Variants in ANKS1B observed in about 807,000 individuals in gnomAD.
ANKS1B encodes the protein ankyrin repeat and sterile alpha motif domain containing 1B, also known as ankyrin repeat and sterile alpha motif domain-containing protein 1B.
A neutral mutation model predicts 148.3 loss-of-function variants in ANKS1B; 36 were observed. That is an observed-to-expected ratio of 0.24 (90% confidence interval 0.19 to 0.32). The LOEUF (loss-of-function observed/expected upper bound fraction) is 0.32. ANKS1B is among the 10% of genes least tolerant of loss of function. The pLI is 1.00. For missense variants in ANKS1B, 1,157 were observed against 1,542.6 expected (o/e 0.75, Z 4.19); for synonymous variants, 542 against 560.8 (o/e 0.97, Z 0.47).
At chr12:99,457,111 C>A (rs2095859444) in intron 10 of ANKS1B, among the ~76,000 whole-genome samples, 2 of 152,012 alleles carry the variant, frequency 1.3e-5, no homozygotes, top group Non-Finnish European at 2.9e-5. Flanking sequence ...TCTTTAGCCT[C>A]CTTAAATAAA....
intron 10 of ANKS1B, among the ~76,000 whole-genome samples, chr12:99,477,355 C>T (rs188544217): frequency 2.7e-4 from 41 of 152,210 alleles, no homozygotes; most frequent in Admixed American, 3.9e-4. Flanking sequence ...TCAGTCCCTC[C>T]GCATCTCATT....
chr12:99,569,111 G>A (rs1010240563), intron 9 of ANKS1B, among the ~76,000 whole-genome samples: 2 of 152,194 alleles, frequency 1.3e-5, no homozygotes, highest in Non-Finnish European at 2.9e-5. Context: ...ACTCCACCTC[G>A]AGTGGTTCCA....
At chr12:99,235,066 A>T (rs1251478651) in intron 14 of ANKS1B, among the ~76,000 whole-genome samples, 1 of 152,150 alleles carries the variant, frequency 6.6e-6, no homozygotes, top group Non-Finnish European at 1.5e-5. Context: ...CTCCACTTTC[A>T]TTTTAACTAC....
chr12:99,936,946 T>C (rs114528425), intron 1 of ANKS1B, among the ~76,000 whole-genome samples: 363 of 152,328 alleles, frequency 2.4e-3, no homozygotes, highest in African/African-American at 8.0e-3. Context: ...AACAGGTACA[T>C]AGGTAACCAA....
intron 1 of ANKS1B, among the ~76,000 whole-genome samples, chr12:99,926,800 G>C (rs1268653230): frequency 6.6e-6 from 1 of 152,164 alleles, no homozygotes; most frequent in Non-Finnish European, 1.5e-5. Flanking sequence ...AAATGTTCCA[G>C]ACCTTTCCCT....
intron 14 of ANKS1B, among the ~76,000 whole-genome samples, chr12:99,158,045 G>A (rs1053062963): frequency 6.6e-6 from 1 of 152,078 alleles, no homozygotes; most frequent in East Asian, 1.9e-4. Flanking sequence ...AGCTGGGAGA[G>A]GATGGGGTGA....
intron 17 of ANKS1B, among the ~76,000 whole-genome samples, chr12:99,025,488 T>C (rs901252544): frequency 6.6e-5 from 10 of 152,184 alleles, no homozygotes; most frequent in Admixed American, 3.9e-4. Flanking sequence ...CCTTGTACAA[T>C]TGGGGAACTG....
intron 9 of ANKS1B, among the ~76,000 whole-genome samples, chr12:99,535,479 T>C (rs1314837789): frequency 6.6e-6 from 1 of 152,248 alleles, no homozygotes; most frequent in Non-Finnish European, 1.5e-5. Context: ...AACACAATTA[T>C]TCTCAAATTA....
intron 15 of ANKS1B, among the ~76,000 whole-genome samples, chr12:99,139,249 TTTC>T (rs1441158665): frequency 1.4e-5 from 2 of 146,054 alleles, no homozygotes; most frequent in East Asian, 2.1e-4. Flanking sequence ...TCTCTCTTTC[TTTC>T]TTCTTCCTCT....
intron 14 of ANKS1B, among the ~76,000 whole-genome samples, chr12:99,174,719 T>A (rs2078172824): frequency 6.6e-6 from 1 of 152,178 alleles, no homozygotes; most frequent in South Asian, 2.1e-4. Context: ...GAATCCAGAA[T>A]CAAGCTGCAA....
At chr12:98,768,155 G>T (rs2098510800) in intron 25 of ANKS1B, among the ~76,000 whole-genome samples, 1 of 152,130 alleles carries the variant, frequency 6.6e-6, no homozygotes, top group African/African-American at 2.4e-5. Flanking sequence ...GATATGATTA[G>T]AAATCAGCTA....
intron 23 of ANKS1B, among the ~76,000 whole-genome samples, chr12:98,781,792 A>G (rs868641191): frequency 3.9e-5 from 6 of 152,328 alleles, no homozygotes; most frequent in Middle Eastern, 3.4e-3. Flanking sequence ...ACCACAAGGG[A>G]TGTAATGATG....
intron 12 of ANKS1B, among the ~76,000 whole-genome samples, chr12:99,268,389 C>G (rs1323113692): frequency 6.6e-6 from 1 of 152,202 alleles, no homozygotes; most frequent in East Asian, 1.9e-4. Flanking sequence ...ATCTTGTTCA[C>G]TTTATTGTAA....
At chr12:99,852,631 CA>C (rs1245009029) in intron 1 of ANKS1B, among the ~76,000 whole-genome samples, 1 of 152,148 alleles carries the variant, frequency 6.6e-6, no homozygotes, top group Admixed American at 6.5e-5. Context: ...CTCGGATGTA[CA>C]GAGCAGCATG....
intron 10 of ANKS1B, among the ~76,000 whole-genome samples, chr12:99,503,301 C>A (rs940874711): frequency 3.3e-5 from 5 of 152,144 alleles, no homozygotes; most frequent in African/African-American, 1.2e-4. Context: ...AGATCTAGCT[C>A]TTACTTTCGG....
chr12:99,477,393 T>C (rs1252445434), intron 10 of ANKS1B, among the ~76,000 whole-genome samples: 1 of 152,158 alleles, frequency 6.6e-6, no homozygotes, highest in Non-Finnish European at 1.5e-5. Flanking sequence ...TGCTAGGTTA[T>C]TTCCCGATTT....
At chr12:98,952,552 G>C (rs1437966537) in intron 17 of ANKS1B, among the ~76,000 whole-genome samples, 1 of 152,150 alleles carries the variant, frequency 6.6e-6, no homozygotes, top group African/African-American at 2.4e-5. Context: ...AGCCCTGTCT[G>C]TCTGTGACCT....
At chr12:99,015,132 C>T (rs2099941678) in intron 17 of ANKS1B, among the ~76,000 whole-genome samples, 2 of 152,152 alleles carry the variant, frequency 1.3e-5, no homozygotes, top group South Asian at 2.1e-4. Flanking sequence ...CCTAAATGCC[C>T]ATGAATGACA....
rs538279557 is a variant in ANKS1B, at chr12:99,280,222, GAA to G, written c.1757-33360_1757-33359del. ...TGTGTGTGAGAGAGAGAGAGAAAGA[GAA>G]AGAGAGATTGTTATAAAATTTTATA... On this transcript the variant is annotated intron_variant, in intron 12 of 26. Coordinates refer to ENST00000683438, the MANE Select transcript of ANKS1B (RefSeq NM_001352186.2). Among the ~76,000 whole-genome samples, 15 of 151,866 alleles carry G rather than the reference GAA, an allele frequency of 9.9e-5. No homozygotes were observed. The South Asian group carries it at 1.9e-3, about 19-fold the overall frequency.
Sources: allele counts gnomAD v4.1 joint callset (sites outside exome capture counted in the v4.1 genomes callset), GRCh38; gene constraint gnomAD v4.1.1; transcripts MANE v1.5; gene names NCBI Gene and HGNC (gene_info 2026-07-23, HGNC 2026-07-21).